MSI2: variants seen among roughly 807,000 people sequenced by gnomAD.
MSI2 encodes the protein RNA-binding protein Musashi homolog 2.
Under a neutral mutation model 45.6 loss-of-function variants are expected in MSI2, and 17 were observed. The ratio of observed to expected loss-of-function variants is 0.37; its 90% CI spans 0.26 to 0.56. MSI2 has a LOEUF of 0.56. Ranked by LOEUF, MSI2 falls within the 20% of genes least tolerant of loss-of-function variation. The pLI is 0.77. For missense variants in MSI2, 293 were observed against 444.2 expected (o/e 0.66, Z 3.06); for synonymous variants, 156 against 158.2 (o/e 0.99, Z 0.11).
intron 5 of MSI2, among the ~76,000 whole-genome samples, chr17:57,335,133 G>T (rs1351806716): frequency 2.6e-5 from 4 of 152,108 alleles, no homozygotes; most frequent in Non-Finnish European, 5.9e-5. Flanking sequence ...ACATATTTTG[G>T]CTTTGTTGGT....
chr17:57,485,357 C>T (rs959721565), intron 6 of MSI2, among the ~76,000 whole-genome samples: 8 of 152,226 alleles, frequency 5.3e-5, no homozygotes, highest in South Asian at 2.1e-4. Context: ...TTCTAAAGAT[C>T]GCCTGGTTAA....
At chr17:57,545,968 T>G (rs1405679118) in intron 7 of MSI2, among the ~76,000 whole-genome samples, 1 of 151,302 alleles carries the variant, frequency 6.6e-6, no homozygotes, top group African/African-American at 2.4e-5. Context: ...TGGGGGAGGG[T>G]GAGGCAGCAG....
chr17:57,623,812 G>A (rs1908536210), intron 9 of MSI2, among the ~76,000 whole-genome samples: 1 of 152,240 alleles, frequency 6.6e-6, no homozygotes, highest in South Asian at 2.1e-4. Flanking sequence ...TGTGGCTGGG[G>A]CTGTGAACCA....
intron 5 of MSI2, among the ~76,000 whole-genome samples, chr17:57,395,363 A>T (rs1397868055): frequency 6.6e-6 from 1 of 152,210 alleles, no homozygotes; most frequent in East Asian, 1.9e-4. Context: ...GTGATCCTAG[A>T]AACAGTTGGA....
intron 5 of MSI2, among the ~76,000 whole-genome samples, chr17:57,343,010 A>T (rs1158505120): frequency 1.3e-5 from 2 of 152,190 alleles, no homozygotes; most frequent in Non-Finnish European, 2.9e-5. Flanking sequence ...AGGTCACCCA[A>T]CTTTGCAAAA....
At chr17:57,636,657 C>G (rs563010375) in intron 10 of MSI2, among the ~76,000 whole-genome samples, 329 of 152,328 alleles carry the variant, frequency 2.2e-3, no homozygotes, top group Middle Eastern at 0.01. Flanking sequence ...CTTGCCTGGA[C>G]GGCCCCTCAT....
chr17:57,600,516 T>C (rs1905747395), intron 8 of MSI2, among the ~76,000 whole-genome samples: 1 of 152,230 alleles, frequency 6.6e-6, no homozygotes, highest in South Asian at 2.1e-4. Context: ...GTGAGGCACA[T>C]TATAATTCCT....
At chr17:57,634,888 C>CTA (rs1909723575) in intron 10 of MSI2, among the ~76,000 whole-genome samples, 1 of 152,218 alleles carries the variant, frequency 6.6e-6, no homozygotes, top group African/African-American at 2.4e-5. Context: ...TCCCAGAAGA[C>CTA]TACATCTCTT....
At chr17:57,314,728 C>A (rs373971962) in intron 5 of MSI2, among the ~76,000 whole-genome samples, 3 of 151,922 alleles carry the variant, frequency 2.0e-5, no homozygotes, top group Non-Finnish European at 4.4e-5. Context: ...CGTGCCACCA[C>A]ACCCAGCTAA....
At chr17:57,522,537 C>G (rs1405681303) in intron 6 of MSI2, 1 of 152,194 alleles carries the variant, frequency 6.6e-6, no homozygotes, top group Non-Finnish European at 1.5e-5. Flanking sequence ...AGCCTCACAG[C>G]ACAGAGAGTT....
intron 5 of MSI2, among the ~76,000 whole-genome samples, chr17:57,337,628 G>A (rs1337043214): frequency 6.6e-6 from 1 of 152,092 alleles, no homozygotes; most frequent in African/African-American, 2.4e-5. Context: ...TTGGCACCAC[G>A]GTCGAGTCCT....
At chr17:57,426,341 A>G (rs1193072928) in intron 6 of MSI2, among the ~76,000 whole-genome samples, 1 of 152,190 alleles carries the variant, frequency 6.6e-6, no homozygotes, top group Non-Finnish European at 1.5e-5. Flanking sequence ...AAGCATTACC[A>G]TTGTTATTTA....
Position 57,449,410 on chromosome 17 carries a change from G to C in MSI2, c.405+47939G>C, listed in dbSNP as rs539623877. The C allele has an allele frequency of 2.0e-5, 3 of 152,320 alleles. No individual in the cohort carries two copies. In the South Asian group the frequency reaches 6.2e-4, roughly 32 times the overall value. The allele number at this position is 152,320 out of a possible 1,614,324, so 9.4% of individuals were successfully genotyped here. A position where few individuals can be genotyped will look rare whatever the true frequency, so the allele number is the denominator to read the frequency against. Reference sequence around the variant, plus strand: ...AATTTGTTTCTTTTTATTGGTTGGTGACCCAAGAAATCTTTGACCTTGTGG... The same window carrying C: ...AATTTGTTTCTTTTTATTGGTTGGTCACCCAAGAAATCTTTGACCTTGTGG... On this transcript the variant is annotated intron_variant, in intron 6 of 13. Transcript: ENST00000284073.
intron 7 of MSI2, among the ~76,000 whole-genome samples, chr17:57,578,480 G>C (rs548191876): frequency 3.4e-4 from 52 of 152,064 alleles, no homozygotes; most frequent in African/African-American, 1.2e-3. Context: ...CCAGGACTGG[G>C]GGGGTAGGAT....
At chr17:57,578,839 CG>C (rs2088122722) in intron 7 of MSI2, among the ~76,000 whole-genome samples, 1 of 151,956 alleles carries the variant, frequency 6.6e-6, no homozygotes, top group African/African-American at 2.4e-5. Flanking sequence ...TGTGATGATG[CG>C]GGGTTGTTTT....
intron 4 of MSI2, among the ~76,000 whole-genome samples, chr17:57,261,470 A>C (rs1907303684): frequency 6.6e-6 from 1 of 152,064 alleles, no homozygotes; most frequent in Admixed American, 6.5e-5. Context: ...GATTTAGCTC[A>C]CATGCTTCAT....
intron 11 of MSI2, among the ~76,000 whole-genome samples, chr17:57,667,297 C>T (rs1348152438): frequency 6.6e-6 from 1 of 152,182 alleles, no homozygotes; most frequent in Non-Finnish European, 1.5e-5. Flanking sequence ...AGTGTTAAAA[C>T]ACCGCCTGCT....
At chr17:57,687,987 T>TA (rs1391022970), downstream of MSI2, among the ~76,000 whole-genome samples, 1 of 152,150 alleles carries the variant, frequency 6.6e-6, no homozygotes, top group Non-Finnish European at 1.5e-5. Flanking sequence ...TATGTGCTGA[T>TA]AAAGTATTTG....
chr17:57,558,537 G>A (rs1052629468), intron 7 of MSI2, among the ~76,000 whole-genome samples: 3 of 152,132 alleles, frequency 2.0e-5, no homozygotes, highest in Non-Finnish European at 2.9e-5. Flanking sequence ...GCCGCTCACC[G>A]TGTGTTTTTG....
Sources: gnomAD v4.1 joint callset for allele counts (sites outside exome capture counted in the v4.1 genomes callset) on GRCh38, gnomAD v4.1.1 for gene constraint, MANE v1.5 for transcripts, NCBI Gene and HGNC (gene_info 2026-07-23, HGNC 2026-07-21) for gene names.